IPO7: variants seen among roughly 807,000 people sequenced by gnomAD.
IPO7 encodes the protein importin 7.
Under a neutral mutation model 136.4 loss-of-function variants are expected in IPO7, and 13 were observed. The ratio of observed to expected loss-of-function variants is 0.10; its 90% CI spans 0.06 to 0.15. IPO7 has a LOEUF of 0.15. Ranked by LOEUF, IPO7 falls within the 10% of genes least tolerant of loss-of-function variation. IPO7 has a pLI of 1.00. For synonymous variants in IPO7, 403 were observed against 404.4 expected, an observed-to-expected ratio of 1.00 and a Z score of 0.04; for missense variants, 857 against 1,240.6, an observed-to-expected ratio of 0.69 and a Z score of 4.65.
intron 6 of IPO7, among the ~76,000 whole-genome samples, chr11:9,418,699 G>C (rs1391543713): frequency 6.6e-6 from 1 of 151,924 alleles, no homozygotes; most frequent in Non-Finnish European, 1.5e-5. Flanking sequence ...CCTTTTTGTT[G>C]TACAATTTAT....
chr11:9,412,231 A>T (rs1417227404), intron 4 of IPO7, among the ~76,000 whole-genome samples: 2 of 152,074 alleles, frequency 1.3e-5, no homozygotes, highest in Non-Finnish European at 2.9e-5. Flanking sequence ...TGTATTTTTT[A>T]TTCCTGGTGA....
chr11:9,389,844 C>G (rs1227001363), intron 1 of IPO7, among the ~76,000 whole-genome samples: 1 of 151,970 alleles, frequency 6.6e-6, no homozygotes, highest in Non-Finnish European at 1.5e-5. Flanking sequence ...ACTGCAACCT[C>G]CATCTCCCGG....
intron 1 of IPO7, among the ~76,000 whole-genome samples, chr11:9,392,669 C>T (rs1854652814): frequency 6.6e-6 from 1 of 151,954 alleles, no homozygotes; most frequent in African/African-American, 2.4e-5. Context: ...ACAGTTTTGG[C>T]CGGGTGCGGT....
At chr11:9,396,729 A>T (rs929546874) in intron 1 of IPO7, among the ~76,000 whole-genome samples, 5 of 151,612 alleles carry the variant, frequency 3.3e-5, no homozygotes. Flanking sequence ...CAAAGTTCAT[A>T]CATTGTTGTA....
chr11:9,420,801 G>A, intron 8 of IPO7, 103 bp downstream of exon 8: 2 of 763,264 alleles, frequency 2.6e-6, no homozygotes, highest in Non-Finnish European at 4.4e-6. Context: ...GTGCCTGTTT[G>A]GACCCTGTAC....
chr11:9,431,602 A>G (rs1855295162), intron 16 of IPO7, among the ~76,000 whole-genome samples: 1 of 152,132 alleles, frequency 6.6e-6, no homozygotes, highest in Non-Finnish European at 1.5e-5. Flanking sequence ...AGTTTAGGTG[A>G]TTAAGAAGTT....
At chr11:9,409,118 T>G (rs1286627768) in intron 3 of IPO7, among the ~76,000 whole-genome samples, 1 of 151,710 alleles carries the variant, frequency 6.6e-6, no homozygotes, top group African/African-American at 2.4e-5. Context: ...TAGTCATTTT[T>G]TTTTTTTTAA....
chr11:9,434,677 C>T lies in IPO7; in HGVS notation c.2075-257C>T, dbSNP rs116100330. 5.9e-3 allele frequency among the ~76,000 whole-genome samples: 897 copies of T among 152,164 alleles called. 16 individuals carry two copies. Among genetic ancestry groups the T allele is most frequent in the African/African-American group, 0.021 (853 of 41,512 alleles). On this transcript the variant is annotated intron_variant, in intron 18 of 24. Transcript: ENST00000379719. ...GCGAGGTGGCGTGTGCCTATAGTCC[C>T]AGCTACCTGGGTGGCTGAGGTGGGA...
At chr11:9,390,766 A>ATAGGGAGACCCAGTCAC (rs146167125) in intron 1 of IPO7, among the ~76,000 whole-genome samples, 149,869 of 152,126 alleles carry the variant, frequency 0.99, 73,858 homozygotes, top group Middle Eastern at 1. Context: ...CCTGGGCAAC[A>ATAGGGAGACCCAGTCAC]TACAAAAAAA....
chr11:9,419,718 C>T (rs1855100329), intron 6 of IPO7, among the ~76,000 whole-genome samples: 1 of 150,994 alleles, frequency 6.6e-6, no homozygotes, highest in African/African-American at 2.4e-5. Context: ...AAATTTTTTA[C>T]CATTACAAAT....
At chr11:9,422,407 T>C (rs1855146243) in intron 8 of IPO7, among the ~76,000 whole-genome samples, 1 of 151,862 alleles carries the variant, frequency 6.6e-6, no homozygotes, top group Non-Finnish European at 1.5e-5. Flanking sequence ...AACACAGTTT[T>C]GTTTTTTTTT....
chr11:9,440,670 A>C lies in IPO7; in HGVS notation c.2902+9A>C, dbSNP rs369839482. On this transcript the variant is annotated intron_variant, in intron 23 of 24. Transcript: ENST00000379719. The stretch of plus-strand genomic sequence containing the variant: ...TAAAGCTATCTTTCAAAGTAAGTCA[A>C]CTTGTTACATGTGGATCCATTTCAT... 139 of 1,571,354 alleles carry C rather than the reference A, an allele frequency of 8.8e-5. No homozygotes were observed. The highest frequency in any genetic ancestry group is 1.2e-4 in the Non-Finnish European group (134 of 1,141,796).
intron 1 of IPO7, among the ~76,000 whole-genome samples, chr11:9,394,578 C>A (rs1854683364): frequency 1.3e-5 from 2 of 152,180 alleles, no homozygotes; most frequent in African/African-American, 4.8e-5. Flanking sequence ...TCATGTATAA[C>A]CCTTCACAAA....
intron 14 of IPO7, 53 bp from the exon 15 acceptor site, chr11:9,429,621 G>T: frequency 1.4e-6 from 2 of 1,427,780 alleles, no homozygotes; most frequent in East Asian, 2.3e-5. Flanking sequence ...GTTATATCAG[G>T]TTTTAAGAAG....
Position 9,440,517 on chromosome 11 carries a change from G to T in IPO7, c.2758G>T (p.Ala920Ser). 3 of 1,614,058 alleles carry T rather than the reference G, an allele frequency of 1.9e-6. No homozygotes were observed. Among genetic ancestry groups the T allele is most frequent in the Non-Finnish European group, 2.5e-6 (3 of 1,179,946 alleles). ...EDGQEYLEIL[A>S]KQAGEDGDDE... ...TGGGCAAGAATATTTGGAGATTCTG[G>T]CTAAGCAGGCTGGTGAAGATGGAGA... Residue 920 changes from alanine to serine, a missense_variant, in exon 23 of 25, where the codon GCT (alanine) becomes TCT (serine). Ala to Ser is a moderately conservative substitution (Grantham distance 99). Transcript: ENST00000379719.
At chr11:9,391,288 A>G (rs558469672) in intron 1 of IPO7, among the ~76,000 whole-genome samples, 118 of 152,098 alleles carry the variant, frequency 7.8e-4, no homozygotes, top group African/African-American at 2.3e-3. Context: ...AATCCCAGCT[A>G]CTTGGGAGAC....
intron 5 of IPO7, among the ~76,000 whole-genome samples, chr11:9,415,936 C>T (rs564904474): frequency 5.1e-4 from 78 of 152,312 alleles, no homozygotes; most frequent in Non-Finnish European, 1.0e-3. Context: ...CAGGAAAATT[C>T]TGGTTCTTTT....
At chr11:9,390,550 C>T (rs1051022636) in intron 1 of IPO7, among the ~76,000 whole-genome samples, 1 of 152,080 alleles carries the variant, frequency 6.6e-6, no homozygotes, top group Admixed American at 6.6e-5. Flanking sequence ...GATAACATTC[C>T]TTCACCAGGA....
At position 9,392,411 on chromosome 11, in the gene IPO7, G is replaced by A. The variant is rs565108828; in HGVS notation, c.84+7564G>A. 4.5e-3 allele frequency: 1,006 copies of A among 221,382 alleles called. 6 individuals are homozygous for A. Among genetic ancestry groups the A allele is most frequent in the Non-Finnish European group, 6.1e-3 (651 of 107,230 alleles). The allele number at this position is 221,382 out of a possible 1,614,324, so 13.7% of individuals were successfully genotyped here. ...GGCTGGTCTCGAACTCCCGAGATCCGCCCACCTTGGTCTCCCTAAGTGCTG... is the reference window on the plus strand; with the variant it reads ...GGCTGGTCTCGAACTCCCGAGATCCACCCACCTTGGTCTCCCTAAGTGCTG... On this transcript the variant is annotated intron_variant, in intron 1 of 24. Transcript: ENST00000379719.
Sources: gnomAD v4.1 joint callset for allele counts (sites outside exome capture counted in the v4.1 genomes callset) on GRCh38, gnomAD v4.1.1 for gene constraint, MANE v1.5 for transcripts, NCBI Gene and HGNC (gene_info 2026-07-23, HGNC 2026-07-21) for gene names.